The following DOK6 variants were observed in gnomAD, a reference collection of about 807,000 sequenced individuals.
DOK6 encodes docking protein 6.
DOK6 carries 22 observed loss-of-function variants against 44.0 expected under a neutral mutation model. The ratio of observed to expected loss-of-function variants is 0.50; its 90% CI spans 0.36 to 0.71. The LOEUF (loss-of-function observed/expected upper bound fraction) is 0.71, where lower values mean the gene tolerates loss of function less well. Ranked by LOEUF, DOK6 falls within the 30% of genes least tolerant of loss-of-function variation. DOK6 has a pLI of 0.00. For missense variants in DOK6, 340 were observed against 416.4 expected, an observed-to-expected ratio of 0.82 and a Z score of 1.60; for synonymous variants, 166 against 145.5, an observed-to-expected ratio of 1.14 and a Z score of -1.01.
intron 7 of DOK6, among the ~76,000 whole-genome samples, chr18:69,802,611 C>A (rs1222164643): frequency 6.6e-6 from 1 of 152,082 alleles, no homozygotes; most frequent in Non-Finnish European, 1.5e-5. Flanking sequence ...GTGCTGTCAT[C>A]ACCGTAATGA....
chr18:69,496,193 C>T (rs1489969823), intron 1 of DOK6, among the ~76,000 whole-genome samples: 5 of 152,206 alleles, frequency 3.3e-5, no homozygotes, highest in East Asian at 1.9e-4. Context: ...GAGATGTCAC[C>T]GTCAACGAGG....
intron 1 of DOK6, among the ~76,000 whole-genome samples, chr18:69,485,318 A>C (rs940260893): frequency 1.3e-5 from 2 of 152,168 alleles, no homozygotes; most frequent in Non-Finnish European, 2.9e-5. Flanking sequence ...AGTGCTTTCT[A>C]TATCATATAT....
intron 7 of DOK6, among the ~76,000 whole-genome samples, chr18:69,767,926 G>C (rs775530849): frequency 2.6e-5 from 4 of 152,098 alleles, no homozygotes; most frequent in South Asian, 2.1e-4. Flanking sequence ...AAGATGAAGA[G>C]TTTCCAGATG....
At chr18:69,812,448 C>T (rs1981270198) in intron 7 of DOK6, among the ~76,000 whole-genome samples, 1 of 152,070 alleles carries the variant, frequency 6.6e-6, no homozygotes, top group Non-Finnish European at 1.5e-5. Flanking sequence ...TGGTACATCT[C>T]CTAGATCGGA....
intron 6 of DOK6, among the ~76,000 whole-genome samples, chr18:69,747,866 CAGA>C (rs1471326705): frequency 6.6e-6 from 1 of 152,100 alleles, no homozygotes; most frequent in Non-Finnish European, 1.5e-5. Context: ...CAAGGTGACT[CAGA>C]AGAAGTGAGA....
chr18:69,571,752 GAAGA>G (rs914375121), intron 2 of DOK6, among the ~76,000 whole-genome samples: 1 of 151,884 alleles, frequency 6.6e-6, no homozygotes, highest in Non-Finnish European at 1.5e-5. Context: ...AGATTTAAAG[GAAGA>G]AAGAAACAAT....
intron 5 of DOK6, among the ~76,000 whole-genome samples, chr18:69,709,208 A>T (rs1986704128): frequency 6.6e-6 from 1 of 152,148 alleles, no homozygotes; most frequent in East Asian, 1.9e-4. Context: ...GGTGGTAATA[A>T]CCACATGCAT....
chr18:69,751,857 G>A (rs968921040), intron 6 of DOK6, among the ~76,000 whole-genome samples: 2 of 151,180 alleles, frequency 1.3e-5, no homozygotes, highest in East Asian at 3.9e-4. Context: ...GAAAAAAAAA[G>A]TGCACAAAAA....
intron 1 of DOK6, chr18:69,483,787 TA>T (rs1980497820): frequency 6.6e-6 from 1 of 152,080 alleles, no homozygotes; most frequent in African/African-American, 2.4e-5. Context: ...CATGCTTGCC[TA>T]AACGAAATTT....
intron 6 of DOK6, among the ~76,000 whole-genome samples, chr18:69,755,006 A>G (rs527303295): frequency 6.6e-6 from 1 of 151,540 alleles, no homozygotes; most frequent in Non-Finnish European, 1.5e-5. Context: ...TCCCTGGCAA[A>G]GATCCCAAGA....
chr18:69,481,557 C>A (rs1011330229), intron 1 of DOK6, among the ~76,000 whole-genome samples: 4 of 152,066 alleles, frequency 2.6e-5, no homozygotes, highest in African/African-American at 7.2e-5. Flanking sequence ...TGAACTCATC[C>A]TTTTTTATGG....
At chr18:69,507,121 G>A (rs1215225150) in intron 1 of DOK6, among the ~76,000 whole-genome samples, 2 of 151,870 alleles carry the variant, frequency 1.3e-5, no homozygotes, top group South Asian at 4.1e-4. Flanking sequence ...TCCACCTCCC[G>A]GGTTCAAGCA....
chr18:69,762,145 G>GCATACATA lies in DOK6; in HGVS notation c.856+4275_856+4276insACATACAT, dbSNP rs1491187104. ...GGCAATATAGTGAGACTCCATCTCT[G>GCATACATA]CATGCATACATACATACATACATAC... is the stretch of plus-strand genomic sequence containing the variant. On this transcript the variant is annotated intron_variant, in intron 7 of 7. Transcript: ENST00000382713. Among the ~76,000 whole-genome samples, 747 of 109,054 alleles carry GCATACATA rather than the reference G, an allele frequency of 6.8e-3. 6 individuals carry two copies. The highest frequency in any genetic ancestry group is 9.6e-3 in the Non-Finnish European group (465 of 48,594). The allele number at this position is 109,054 out of a possible 152,430, so 71.5% of individuals were successfully genotyped here.
intron 6 of DOK6, among the ~76,000 whole-genome samples, chr18:69,748,993 A>C (rs1416709378): frequency 6.6e-6 from 1 of 152,216 alleles, no homozygotes; most frequent in African/African-American, 2.4e-5. Context: ...GAACAAGATT[A>C]TGTCCTTTTC....
chr18:69,816,030 C>A (rs1444440315), intron 7 of DOK6, among the ~76,000 whole-genome samples: 1 of 152,050 alleles, frequency 6.6e-6, no homozygotes, highest in Non-Finnish European at 1.5e-5. Context: ...CACACTGTGA[C>A]TTAAGAGGAG....
At chr18:69,460,989 C>CTTTT (rs1979772610) in intron 1 of DOK6, among the ~76,000 whole-genome samples, 4 of 152,158 alleles carry the variant, frequency 2.6e-5, no homozygotes, top group Admixed American at 2.6e-4. Flanking sequence ...CACAGAAAAG[C>CTTTT]CTTAAACTGA....
intron 7 of DOK6, among the ~76,000 whole-genome samples, chr18:69,766,802 A>G (rs1271043020): frequency 6.6e-6 from 1 of 152,164 alleles, no homozygotes; most frequent in African/African-American, 2.4e-5. Flanking sequence ...AACTCTCACT[A>G]TGACGTTTCT....
intron 1 of DOK6, among the ~76,000 whole-genome samples, chr18:69,528,099 C>T (rs1001737478): frequency 6.9e-6 from 1 of 144,450 alleles, no homozygotes; most frequent in Non-Finnish European, 1.5e-5. Flanking sequence ...GGAGGTGGAG[C>T]TTGCAGTGAT....
rs189757704 is a variant in DOK6 at position 69,538,191 on chromosome 18, C to T, written c.67-26296C>T. On this transcript the variant is annotated intron_variant, in intron 1 of 7. Coordinates refer to ENST00000382713, the MANE Select transcript of DOK6 (RefSeq NM_152721.6). ...TGTTATGCTGAAATATGAGAACTTACATGAAAGGTAAATATGAAAAGAGTG... is the reference window on the plus strand; with the variant it reads ...TGTTATGCTGAAATATGAGAACTTATATGAAAGGTAAATATGAAAAGAGTG... Among the ~76,000 whole-genome samples the T allele has an allele frequency of 2.1e-3, 316 of 152,200 alleles. 2 individuals carry two copies. The highest frequency in any genetic ancestry group is 3.0e-3 in the Non-Finnish European group (207 of 68,012).
Sources: gnomAD v4.1 joint callset for allele counts (sites outside exome capture counted in the v4.1 genomes callset) on GRCh38, gnomAD v4.1.1 for gene constraint, MANE v1.5 for transcripts, NCBI Gene and HGNC (gene_info 2026-07-23, HGNC 2026-07-21) for gene names.